The following NAALADL2 variants were observed in gnomAD, a reference collection of about 807,000 sequenced individuals.
NAALADL2 encodes inactive N-acetylated-alpha-linked acidic dipeptidase-like protein 2.
A neutral mutation model predicts 87.2 loss-of-function variants in NAALADL2; 76 were observed. That is an observed-to-expected ratio of 0.87 (90% CI 0.72 to 1.05). The LOEUF (loss-of-function observed/expected upper bound fraction) is 1.05, where lower values mean the gene tolerates loss of function less well. Among genes scored for constraint, NAALADL2 ranks in the 50% least tolerant of loss-of-function variants. NAALADL2 has a pLI of 0.00. For missense variants in NAALADL2, 1,089 were observed against 945.8 expected (o/e 1.15, Z -1.99); for synonymous variants, 354 against 331.0 (o/e 1.07, Z -0.75).
At chr3:175,215,593 T>A (rs1385190722) in intron 2 of NAALADL2, among the ~76,000 whole-genome samples, 1 of 152,280 alleles carries the variant, frequency 6.6e-6, no homozygotes, top group East Asian at 1.9e-4. Flanking sequence ...AATGTCTGTT[T>A]GAGGATCCTG....
chr3:175,420,689 G>A (rs1265721685), intron 5 of NAALADL2, among the ~76,000 whole-genome samples: 2 of 151,996 alleles, frequency 1.3e-5, no homozygotes, highest in African/African-American at 2.4e-5. Context: ...GCATTATAAA[G>A]TTGAACATCT....
chr3:175,551,244 G>C (rs1714302845), intron 9 of NAALADL2, among the ~76,000 whole-genome samples: 1 of 152,088 alleles, frequency 6.6e-6, no homozygotes, highest in Non-Finnish European at 1.5e-5. Flanking sequence ...TTCATCTGAG[G>C]ATGAGAAAAA....
intron 1 of NAALADL2, among the ~76,000 whole-genome samples, chr3:175,066,850 C>A (rs954052186): frequency 7.9e-5 from 12 of 152,064 alleles, no homozygotes; most frequent in African/African-American, 2.9e-4. Flanking sequence ...TGTTTGCCCA[C>A]AACAGAGACA....
chr3:174,500,275 T>TC (rs1718801890), intron 1 of NAALADL2, among the ~76,000 whole-genome samples: 1 of 152,168 alleles, frequency 6.6e-6, no homozygotes, highest in Non-Finnish European at 1.5e-5. Flanking sequence ...GGATCTTGGA[T>TC]CCTACCACCT....
chr3:175,487,771 A>G, intron 9 of NAALADL2: 1 of 281,758 alleles, frequency 3.5e-6, no homozygotes, highest in Non-Finnish European at 7.1e-6. Context: ...AGAAAAATTT[A>G]CTTGGAAGAC....
In NAALADL2 at chr3:175,508,970, G is replaced by A. The variant is rs538595744; in HGVS notation, c.1653+37212G>A. 1.9e-3 allele frequency among the ~76,000 whole-genome samples: 285 copies of A among 152,000 alleles called. 1 individual carries two copies. Among genetic ancestry groups the A allele is most frequent in the African/African-American group, 6.4e-3 (267 of 41,464 alleles). ...ATCTCTACTAAAAATACAAAAATTAGCCAGGCCTGCTAGCGCACATCTGTA... is the reference window on the plus strand; with the variant it reads ...ATCTCTACTAAAAATACAAAAATTAACCAGGCCTGCTAGCGCACATCTGTA... On this transcript the variant is annotated intron_variant, in intron 9 of 13. Transcript: ENST00000454872.
chr3:175,582,923 G>T (rs1470337511), intron 10 of NAALADL2, among the ~76,000 whole-genome samples: 1 of 152,032 alleles, frequency 6.6e-6, no homozygotes, highest in Non-Finnish European at 1.5e-5. Context: ...GAGTTTTGTG[G>T]ACTTTTATTC....
intron 9 of NAALADL2, among the ~76,000 whole-genome samples, chr3:175,544,181 T>C (rs114160347): frequency 0.012 from 1,855 of 152,302 alleles, 49 homozygotes; most frequent in African/African-American, 0.043. Context: ...CTGTAATAAC[T>C]TTATAATTGC....
chr3:174,626,097 T>G (rs1160711697), intron 2 of NAALADL2, among the ~76,000 whole-genome samples: 1 of 151,814 alleles, frequency 6.6e-6, no homozygotes, highest in Non-Finnish European at 1.5e-5. Flanking sequence ...GATTTTTTTT[T>G]TTTTTTTTTG....
At chr3:174,468,694 A>T (rs1716692085) in intron 1 of NAALADL2, among the ~76,000 whole-genome samples, 1 of 146,170 alleles carries the variant, frequency 6.8e-6, no homozygotes. Flanking sequence ...ATTCATTTTC[A>T]TATAAGGCTA....
intron 1 of NAALADL2, among the ~76,000 whole-genome samples, chr3:175,005,676 G>A (rs1438497182): frequency 6.6e-6 from 1 of 152,112 alleles, no homozygotes; most frequent in Non-Finnish European, 1.5e-5. Flanking sequence ...ATGTTGAGTG[G>A]ATACTTTCAC....
At chr3:175,561,022 C>A (rs535273805) in intron 9 of NAALADL2, among the ~76,000 whole-genome samples, 37 of 152,328 alleles carry the variant, frequency 2.4e-4, no homozygotes, top group Non-Finnish European at 4.4e-4. Flanking sequence ...ATAATGTATT[C>A]TCCCAACTAC....
chr3:175,139,711 A>C (rs1054704887), intron 2 of NAALADL2, among the ~76,000 whole-genome samples: 1 of 152,076 alleles, frequency 6.6e-6, no homozygotes, highest in African/African-American at 2.4e-5. Flanking sequence ...ATTATCATCA[A>C]ATTATATTTC....
chr3:174,648,012 T>C (rs1004376799), intron 2 of NAALADL2, among the ~76,000 whole-genome samples: 20 of 152,108 alleles, frequency 1.3e-4, no homozygotes, highest in African/African-American at 4.6e-4. Flanking sequence ...AGTTAAAGGG[T>C]ATTATGTGGG....
intron 3 of NAALADL2, among the ~76,000 whole-genome samples, chr3:175,249,196 C>T (rs922485108): frequency 2.0e-5 from 3 of 151,956 alleles, no homozygotes; most frequent in Non-Finnish European, 4.4e-5. Flanking sequence ...AAGGTAGACA[C>T]TTTTTGTTTC....
intron 1 of NAALADL2, among the ~76,000 whole-genome samples, chr3:174,544,162 T>C (rs1722514162): frequency 6.6e-6 from 1 of 152,260 alleles, no homozygotes; most frequent in South Asian, 2.1e-4. Context: ...TTTCTTTTGA[T>C]AGCTCTATGC....
intron 1 of NAALADL2, among the ~76,000 whole-genome samples, chr3:174,530,858 G>T (rs951889147): frequency 6.6e-6 from 1 of 152,052 alleles, no homozygotes; most frequent in Non-Finnish European, 1.5e-5. Context: ...AAAACAAAAC[G>T]AAAAACCTAC....
chr3:175,750,563 G>T (rs912006539), intron 12 of NAALADL2, among the ~76,000 whole-genome samples: 1 of 152,152 alleles, frequency 6.6e-6, no homozygotes, highest in Non-Finnish European at 1.5e-5. Context: ...AGGACTAAGG[G>T]ATGAGGCTGG....
At chr3:175,762,724 G>A (rs563420867) in intron 13 of NAALADL2, among the ~76,000 whole-genome samples, 4 of 152,156 alleles carry the variant, frequency 2.6e-5, no homozygotes, top group South Asian at 2.1e-4. Context: ...CTTGCCAATC[G>A]AGGGGTTGCA....
Sources: gnomAD v4.1 joint callset for allele counts (sites outside exome capture counted in the v4.1 genomes callset) on GRCh38, gnomAD v4.1.1 for gene constraint, MANE v1.5 for transcripts, NCBI Gene and HGNC (gene_info 2026-07-23, HGNC 2026-07-21) for gene names.